Variants in MEIS2 observed in about 807,000 individuals in gnomAD.
MEIS2 encodes Meis homeobox 2.
A neutral mutation model predicts 58.6 loss-of-function variants in MEIS2; 9 were observed. The ratio of observed to expected loss-of-function variants is 0.15; its 90% CI spans 0.09 to 0.27. MEIS2 has a LOEUF of 0.27. Among genes scored for constraint, MEIS2 ranks in the 10% least tolerant of loss-of-function variants. The probability of loss-of-function intolerance (pLI) is 1.00; values close to 1 mark genes in which losing one functional copy is unlikely to be tolerated. For synonymous variants in MEIS2, 221 were observed against 228.4 expected (o/e 0.97, Z 0.29); for missense variants, 427 against 635.0 (o/e 0.67, Z 3.52).
intron 7 of MEIS2, among the ~76,000 whole-genome samples, chr15:37,041,446 T>C (rs1346052159): frequency 1.3e-5 from 2 of 152,230 alleles, no homozygotes; most frequent in East Asian, 1.9e-4. Context: ...AGAGCATCTC[T>C]AGCTGGATTT....
intron 8 of MEIS2, among the ~76,000 whole-genome samples, chr15:36,999,149 A>C (rs2060635368): frequency 6.6e-6 from 1 of 152,188 alleles, no homozygotes; most frequent in Admixed American, 6.5e-5. Context: ...GTCTTTCATT[A>C]CAAAGCCATC....
intron 7 of MEIS2, among the ~76,000 whole-genome samples, chr15:37,067,892 A>C (rs1890171201): frequency 6.6e-6 from 1 of 152,218 alleles, no homozygotes; most frequent in African/African-American, 2.4e-5. Flanking sequence ...ATGTGGGCTT[A>C]AAGTTCAAGC....
At chr15:36,974,640 T>C (rs747125233) in intron 8 of MEIS2, among the ~76,000 whole-genome samples, 27 of 152,320 alleles carry the variant, frequency 1.8e-4, no homozygotes, top group Non-Finnish European at 3.5e-4. Flanking sequence ...TGGCTTTGAC[T>C]TACATGGGTT....
intron 8 of MEIS2, among the ~76,000 whole-genome samples, chr15:36,986,101 T>C (rs2060084299): frequency 6.6e-6 from 1 of 152,248 alleles, no homozygotes; most frequent in Non-Finnish European, 1.5e-5. Flanking sequence ...GATATGGTTC[T>C]TGTTGACCTA....
chr15:36,892,481 G>A, intron 11 of MEIS2, 22 bp from the exon 12 acceptor site: 1 of 1,479,434 alleles, frequency 6.8e-7, no homozygotes. Flanking sequence ...GAGGGAAAAA[G>A]AAAGCGGGTC....
intron 9 of MEIS2, among the ~76,000 whole-genome samples, chr15:36,900,046 CT>C (rs2056387793): frequency 1.3e-5 from 2 of 152,288 alleles, no homozygotes; most frequent in South Asian, 4.1e-4. Flanking sequence ...TCATCTGTAT[CT>C]GATATTAAAA....
At chr15:36,957,031 A>T (rs2059005063) in intron 8 of MEIS2, among the ~76,000 whole-genome samples, 1 of 152,170 alleles carries the variant, frequency 6.6e-6, no homozygotes, top group Admixed American at 6.5e-5. Context: ...AAAACTTTAG[A>T]ATTGAAGATT....
chr15:37,010,518 G>A (rs2061108786), intron 8 of MEIS2, among the ~76,000 whole-genome samples: 1 of 152,120 alleles, frequency 6.6e-6, no homozygotes, highest in African/African-American at 2.4e-5. Context: ...GAGTAACTGG[G>A]ACTACAGACG....
chr15:37,049,645 C>T lies in MEIS2; in HGVS notation c.755-12686G>A, dbSNP rs1169594521. Among the ~76,000 whole-genome samples, 18 of 152,048 alleles carry T rather than the reference C, an allele frequency of 1.2e-4. 2 individuals carry two copies. The South Asian group carries it at 3.7e-3, about 32-fold the overall frequency. Reference sequence around the variant, plus strand: ...GGGACTACTGGTGTGCGCCACCATGCCTGGCTAATTTTTTGTATTTTTAGT... The same window carrying T: ...GGGACTACTGGTGTGCGCCACCATGTCTGGCTAATTTTTTGTATTTTTAGT... On this transcript the variant is annotated intron_variant, in intron 7 of 11. Transcript: ENST00000561208.
At position 37,080,257 on chromosome 15, in the gene MEIS2, A is replaced by G. The variant is rs569163518; in HGVS notation, c.754+3514T>C. 1.2e-4 allele frequency among the ~76,000 whole-genome samples: 19 copies of G among 152,244 alleles called. No homozygotes were observed. The South Asian group carries it at 3.1e-3, about 25-fold the overall frequency. ...TTGTTCAAACCAGGAAAAATAAAACAAACTTGGCACGAAATACTTAAAACA... is the reference window on the plus strand; with the variant it reads ...TTGTTCAAACCAGGAAAAATAAAACGAACTTGGCACGAAATACTTAAAACA... On this transcript the variant is annotated intron_variant, in intron 7 of 11. Transcript: ENST00000561208.
intron 8 of MEIS2, among the ~76,000 whole-genome samples, chr15:37,020,290 C>T (rs2061480421): frequency 6.6e-6 from 1 of 152,112 alleles, no homozygotes; most frequent in Admixed American, 6.5e-5. Flanking sequence ...CCTCGCTTCC[C>T]TCAGTCCTTA....
intron 7 of MEIS2, among the ~76,000 whole-genome samples, chr15:37,080,370 G>A (rs1254300244): frequency 6.6e-6 from 1 of 152,050 alleles, no homozygotes; most frequent in East Asian, 1.9e-4. Flanking sequence ...ACACTGAGGG[G>A]TCTATTCTCT....
intron 8 of MEIS2, among the ~76,000 whole-genome samples, chr15:36,996,765 G>A (rs963355963): frequency 6.6e-6 from 1 of 152,160 alleles, no homozygotes; most frequent in Non-Finnish European, 1.5e-5. Context: ...GCTGAGGGCT[G>A]ACCAGCCTTA....
At chr15:36,981,164 C>T (rs963811462) in intron 8 of MEIS2, among the ~76,000 whole-genome samples, 3 of 151,636 alleles carry the variant, frequency 2.0e-5, no homozygotes, top group African/African-American at 7.3e-5. Context: ...ATGAGCATTC[C>T]CTTTTAAAAT....
At chr15:37,088,403 A>T (rs1166955582) in intron 6 of MEIS2, among the ~76,000 whole-genome samples, 1 of 152,208 alleles carries the variant, frequency 6.6e-6, no homozygotes, top group East Asian at 1.9e-4. Context: ...ACATAATTAA[A>T]TTACTTATTT....
chr15:36,943,976 C>T (rs1460527060), intron 9 of MEIS2, among the ~76,000 whole-genome samples: 2 of 152,020 alleles, frequency 1.3e-5, no homozygotes, highest in Non-Finnish European at 2.9e-5. Context: ...CCCATCTCTA[C>T]AAGATAGAAG....
At chr15:36,906,363 G>A (rs1000741089) in intron 9 of MEIS2, among the ~76,000 whole-genome samples, 1 of 152,016 alleles carries the variant, frequency 6.6e-6, no homozygotes, top group Non-Finnish European at 1.5e-5. Flanking sequence ...GAAACAAAAC[G>A]AGCTCTGATT....
chr15:37,065,739 G>C (rs1006652077), intron 7 of MEIS2, among the ~76,000 whole-genome samples: 2 of 152,118 alleles, frequency 1.3e-5, no homozygotes, highest in African/African-American at 4.8e-5. Flanking sequence ...CTTTGAGAAA[G>C]TCCTTTTTTA....
chr15:37,094,104 T>C (rs762550938), intron 5 of MEIS2: 8 of 264,020 alleles, frequency 3.0e-5, no homozygotes, highest in Non-Finnish European at 5.8e-5. Context: ...TTTTATAAGC[T>C]AGGGGTTTCG....
Sources: gnomAD v4.1 joint callset for allele counts (sites outside exome capture counted in the v4.1 genomes callset) on GRCh38, gnomAD v4.1.1 for gene constraint, MANE v1.5 for transcripts, NCBI Gene and HGNC (gene_info 2026-07-23, HGNC 2026-07-21) for gene names.